CCBE1: variants seen among roughly 807,000 people sequenced by gnomAD.
The protein encoded by CCBE1 is collagen and calcium-binding EGF domain-containing protein 1.
Under a neutral mutation model 50.0 loss-of-function variants are expected in CCBE1, and 37 were observed. That is an observed-to-expected ratio of 0.74 (90% CI 0.57 to 0.97). The LOEUF (loss-of-function observed/expected upper bound fraction) is 0.97, where lower values mean the gene tolerates loss of function less well. CCBE1 is among the 50% of genes least tolerant of loss of function. CCBE1 has a pLI of 0.00. For missense variants in CCBE1, 538 were observed against 523.8 expected, an observed-to-expected ratio of 1.03 and a Z score of -0.26; for synonymous variants, 234 against 203.7, an observed-to-expected ratio of 1.15 and a Z score of -1.27.
At chr18:59,696,325 T>G in intron 2 of CCBE1, 1 of 512,280 alleles carries the variant, frequency 2.0e-6, no homozygotes, top group South Asian at 2.1e-5. Context: ...TATGCCCCAC[T>G]GTTTACACCC....
chr18:59,553,670 T>G (rs1916009536), intron 2 of CCBE1, among the ~76,000 whole-genome samples: 1 of 152,190 alleles, frequency 6.6e-6, no homozygotes, highest in Non-Finnish European at 1.5e-5. Context: ...AACATACACT[T>G]TAGGTGCTCT....
chr18:59,515,016 T>A (rs1182326591), intron 2 of CCBE1, among the ~76,000 whole-genome samples: 2 of 152,206 alleles, frequency 1.3e-5, no homozygotes, highest in Admixed American at 1.3e-4. Flanking sequence ...TTTTACTTTT[T>A]AAATTTATGC....
chr18:59,565,759 T>C (rs1222623373), intron 2 of CCBE1, among the ~76,000 whole-genome samples: 1 of 152,084 alleles, frequency 6.6e-6, no homozygotes, highest in African/African-American at 2.4e-5. Context: ...CACTAGATTT[T>C]TTTTTTTTCT....
intron 2 of CCBE1, among the ~76,000 whole-genome samples, chr18:59,541,355 AG>A (rs1339944484): frequency 6.6e-6 from 1 of 152,222 alleles, no homozygotes; most frequent in Non-Finnish European, 1.5e-5. Context: ...TATGTCAGGG[AG>A]GTTTATACCA....
At chr18:59,652,481 C>CA (rs761840765) in intron 2 of CCBE1, among the ~76,000 whole-genome samples, 1 of 150,008 alleles carries the variant, frequency 6.7e-6, no homozygotes, top group Non-Finnish European at 1.5e-5. Context: ...GACTCCCCCC[C>CA]TTTTTTTTTA....
rs1555690361 is a variant in CCBE1, at chr18:59,543,847, A to AAAAAAAAAAG, written c.213-63610_213-63609insCTTTTTTTTT. On this transcript the variant is annotated intron_variant, in intron 2 of 10. Coordinates refer to ENST00000439986, the MANE Select transcript of CCBE1 (RefSeq NM_133459.4). ...GAGACTCCGTCTCAAAAAAAAAAAA[A>AAAAAAAAAAG]AAAAAAAAAAACAGAAAACACTAAT... is the stretch of plus-strand genomic sequence containing the variant. Among the ~76,000 whole-genome samples the AAAAAAAAAAG allele has an allele frequency of 1.2e-3, 95 of 78,564 alleles. 1 individual carries two copies. In the East Asian group the frequency reaches 0.03, roughly 25 times the overall value. The allele number at this position is 78,564 out of a possible 152,430, so 51.5% of individuals were successfully genotyped here.
At chr18:59,538,420 T>C (rs1269536386) in intron 2 of CCBE1, among the ~76,000 whole-genome samples, 2 of 152,218 alleles carry the variant, frequency 1.3e-5, no homozygotes, top group Non-Finnish European at 2.9e-5. Flanking sequence ...AAAGGCGCGA[T>C]GCAATGCCAA....
intron 2 of CCBE1, among the ~76,000 whole-genome samples, chr18:59,571,196 G>A (rs1211118026): frequency 6.6e-6 from 1 of 152,052 alleles, no homozygotes; most frequent in African/African-American, 2.4e-5. Flanking sequence ...GCAAGTAATC[G>A]TATATTATTG....
chr18:59,591,139 G>A lies in CCBE1; in HGVS notation c.212+105490C>T, dbSNP rs567095577. 2.3e-5 allele frequency among the ~76,000 whole-genome samples: 2 copies of A among 86,082 alleles called. 1 individual carries two copies. Among genetic ancestry groups the A allele is most frequent in the Non-Finnish European group, 4.1e-5 (2 of 49,002 alleles). 56.5% of individuals were successfully genotyped at this position (86,082 alleles called of 152,430 possible). A position where few individuals can be genotyped will look rare whatever the true frequency, so the allele number is the denominator to read the frequency against. On this transcript the variant is annotated intron_variant, in intron 2 of 10. Transcript: ENST00000439986. ...TGGGCGCCTGTAGTCCCAGCTACTC[G>A]GGAGGCTGAGGCAGGAGAATGGCGT...
At chr18:59,693,883 T>TC (rs1484935463) in intron 2 of CCBE1, among the ~76,000 whole-genome samples, 1 of 139,782 alleles carries the variant, frequency 7.2e-6, no homozygotes, top group Non-Finnish European at 1.5e-5. Flanking sequence ...TTTTTTTTTT[T>TC]TTTTTTTGAG....
At chr18:59,467,007 T>A in intron 4 of CCBE1, 116 bp from the exon 5 acceptor site, 1 of 899,182 alleles carries the variant, frequency 1.1e-6, no homozygotes, top group Admixed American at 1.8e-5. Flanking sequence ...TGGGCCGACC[T>A]TGATCAGAGC....
Position 59,697,273 on chromosome 18 carries a change from G to T in CCBE1, c.70C>A (p.Leu24Met). The change falls in exon 1 of 11, where the codon CTG becomes ATG. Residue 24 changes from leucine (L) to methionine (M), a missense_variant. Transcript: ENST00000439986. ...GTGTGTCCCAACGCCAGGAGCAGCA[G>T]CAGCGGACCCAGGCTCCTGCCCAGC... ...GQLGRSLGPLLLLLALGHTWT... is the reference protein window; with the variant it reads ...GQLGRSLGPLMLLLALGHTWT... 3.2e-6 allele frequency: 5 copies of T among 1,549,286 alleles called. No homozygotes were observed. The highest frequency in any genetic ancestry group is 4.4e-6 in the Non-Finnish European group (5 of 1,146,740).
intron 5 of CCBE1, among the ~76,000 whole-genome samples, chr18:59,458,067 A>T (rs889391479): frequency 6.6e-6 from 1 of 152,156 alleles, no homozygotes; most frequent in African/African-American, 2.4e-5. Flanking sequence ...CATCCACTCC[A>T]TCTCATCTAC....
intron 2 of CCBE1, among the ~76,000 whole-genome samples, chr18:59,574,392 C>T (rs1282936321): frequency 6.6e-6 from 1 of 152,168 alleles, no homozygotes. Flanking sequence ...ATAAGCCACA[C>T]TTACAGGAAA....
chr18:59,637,159 G>A (rs1397727452), intron 2 of CCBE1, among the ~76,000 whole-genome samples: 1 of 152,094 alleles, frequency 6.6e-6, no homozygotes, highest in Admixed American at 6.5e-5. Flanking sequence ...CAGTACATTT[G>A]GAATTTATAC....
intron 2 of CCBE1, among the ~76,000 whole-genome samples, chr18:59,667,654 C>A: frequency 6.6e-6 from 1 of 152,304 alleles, no homozygotes; most frequent in Middle Eastern, 3.4e-3. Flanking sequence ...CAGCCTCTCT[C>A]CCCTCATCCC....
intron 2 of CCBE1, among the ~76,000 whole-genome samples, chr18:59,575,875 A>G (rs958563798): frequency 2.6e-5 from 4 of 152,332 alleles, no homozygotes; most frequent in African/African-American, 9.6e-5. Context: ...GCTGGAATCG[A>G]TAAGTATACA....
intron 2 of CCBE1, among the ~76,000 whole-genome samples, chr18:59,665,351 T>A (rs1259659708): frequency 6.6e-6 from 1 of 152,196 alleles, no homozygotes; most frequent in Admixed American, 6.5e-5. Flanking sequence ...ATTAAAGGCC[T>A]CCAGTGATTA....
At chr18:59,644,542 C>T (rs925417710) in intron 2 of CCBE1, among the ~76,000 whole-genome samples, 1 of 152,244 alleles carries the variant, frequency 6.6e-6, no homozygotes, top group Admixed American at 6.5e-5. Flanking sequence ...CTTACCATTA[C>T]TTCAGAACCA....
Sources: allele counts gnomAD v4.1 joint callset (sites outside exome capture counted in the v4.1 genomes callset), GRCh38; gene constraint gnomAD v4.1.1; transcripts MANE v1.5; gene names NCBI Gene and HGNC (gene_info 2026-07-23, HGNC 2026-07-21).